Variants in SLC16A6 observed in about 807,000 individuals in gnomAD.
The protein encoded by SLC16A6 is solute carrier family 16 member 6.
SLC16A6 carries 15 observed loss-of-function variants against 33.8 expected under a neutral mutation model. The observed-to-expected ratio is 0.44, with a 90% confidence interval of 0.30 to 0.68. The LOEUF (loss-of-function observed/expected upper bound fraction) is 0.68. SLC16A6 is among the 30% of genes least tolerant of loss of function. The probability of loss-of-function intolerance (pLI) is 0.10; values close to 1 mark genes in which losing one functional copy is unlikely to be tolerated. For synonymous variants in SLC16A6, 219 were observed against 248.4 expected, an observed-to-expected ratio of 0.88 and a Z score of 1.11; for missense variants, 451 against 661.5, an observed-to-expected ratio of 0.68 and a Z score of 3.49.
chr17:68,284,688 CTT>C (rs1300224323), intron 1 of SLC16A6, among the ~76,000 whole-genome samples: 1 of 152,198 alleles, frequency 6.6e-6, no homozygotes, highest in Non-Finnish European at 1.5e-5. Flanking sequence ...TCTGATCTAA[CTT>C]AGTATCATTC....
chr17:68,280,346 A>C (rs1300425070), intron 1 of SLC16A6, among the ~76,000 whole-genome samples: 1 of 152,196 alleles, frequency 6.6e-6, no homozygotes, highest in Non-Finnish European at 1.5e-5. Context: ...CATCCTGAAA[A>C]AAAGAACAAA....
chr17:68,278,339 A>T lies in SLC16A6; in HGVS notation c.-7-12T>A, dbSNP rs2075590841. ...GGGTCATTCTTAATCTGAAAGAAAA[A>T]GTTAAAAGCAATTCAGATCAGCAAT... On this transcript the variant is annotated splice_polypyrimidine_tract_variant and intron_variant, in intron 1 of 5. Transcript: ENST00000580666. 3 of 1,577,498 alleles carry T rather than the reference A, an allele frequency of 1.9e-6. No homozygotes were observed. Among genetic ancestry groups the T allele is most frequent in the African/African-American group, 2.7e-5 (2 of 73,822 alleles).
chr17:68,273,771 A>AT, intron 3 of SLC16A6, 156 bp downstream of exon 3: 1 of 841,788 alleles, frequency 1.2e-6, no homozygotes, highest in Non-Finnish European at 1.8e-6. Flanking sequence ...TGAAGTCCAT[A>AT]TAGCTCAGTT....
Position 68,271,633 on chromosome 17 carries a change from C to T in SLC16A6, c.527G>A (p.Arg176His), listed in dbSNP as rs782479737. ...GAGGAGGCTGTATCTCCAGCCAATGCGCTCCTTCAGAGCCATGATTGCTTG... is the reference window on the plus strand; with the variant it reads ...GAGGAGGCTGTATCTCCAGCCAATGTGCTCCTTCAGAGCCATGATTGCTTG... ...FAPAIMALKE[R>H]IGWRYSLLFV... is the part of the protein sequence containing the mutation. The change falls in exon 5 of 6, where the codon CGC (arginine) becomes CAC (histidine). Residue 176 changes from arginine (R) to histidine (H), a missense_variant. Transcript: ENST00000580666. This position sits in a 1 kb window ranked among gnomAD's most constrained non-coding sequence, Gnocchi z 5.3. 1.7e-5 allele frequency: 27 copies of T among 1,612,900 alleles called. No individual in the cohort carries two copies. The highest frequency in any genetic ancestry group is 6.7e-5 in the Admixed American group (4 of 59,964).
In SLC16A6 at chr17:68,271,158, A is replaced by G. The variant is rs781826132; in HGVS notation, c.1002T>C (p.Ser334=). ...CGAAAACTTCTGCAATGGCCATCGTAGATAATAAAAAAGCAGCGCGGTCCT... is the reference window on the plus strand; with the variant it reads ...CGAAAACTTCTGCAATGGCCATCGTGGATAATAAAAAAGCAGCGCGGTCCT... The part of the protein sequence containing the change: ...IDQDRAAFLL[S]TMAIAEVFGR... Residue 334 remains serine (S), a synonymous_variant, in exon 5 of 6, where the codon TCT becomes TCC. Coordinates refer to ENST00000580666, the MANE Select transcript of SLC16A6 (RefSeq NM_004694.5). This position sits in a 1 kb window ranked among gnomAD's most constrained non-coding sequence, Gnocchi z 5.3. The G allele has an allele frequency of 3.7e-6, 6 of 1,614,050 alleles. No homozygotes were observed. The South Asian group carries it at 5.5e-5, about 15-fold the overall frequency.
In SLC16A6 at chr17:68,268,801, A is replaced by C. The variant is rs1555747321; in HGVS notation, c.*295T>G. ...CTATTTTAATATCGGAATGTGAACC[A>C]AAGAGTCTTTCTACATATCTCTTGT... On this transcript the variant is annotated 3_prime_UTR_variant, in exon 6 of 6. Transcript: ENST00000580666. 2.8e-6 allele frequency: 1 copy of C among 362,154 alleles called. No individual in the cohort carries two copies. Among genetic ancestry groups the C allele is most frequent in the Admixed American group, 4.5e-5 (1 of 22,414 alleles). 22.4% of individuals were successfully genotyped at this position (362,154 alleles called of 1,614,324 possible).
chr17:68,281,556 A>C (rs1332077875), intron 1 of SLC16A6, among the ~76,000 whole-genome samples: 2 of 152,154 alleles, frequency 1.3e-5, no homozygotes, highest in Admixed American at 6.6e-5. Context: ...GCCTGGTGAC[A>C]CAGCGAGACT....
At chr17:68,287,829 T>C (rs2075874820) in intron 1 of SLC16A6, among the ~76,000 whole-genome samples, 1 of 152,182 alleles carries the variant, frequency 6.6e-6, no homozygotes, top group Admixed American at 6.5e-5. Context: ...AGTAAAGTCA[T>C]GCACAGGTCT....
chr17:68,276,622 AT>A (rs1301624702), intron 2 of SLC16A6, among the ~76,000 whole-genome samples: 3 of 151,544 alleles, frequency 2.0e-5, no homozygotes, highest in Non-Finnish European at 2.9e-5. Flanking sequence ...CCAATTTTTT[AT>A]TTTAATTTTT....
intron 2 of SLC16A6, among the ~76,000 whole-genome samples, chr17:68,275,709 C>T (rs1448077558): frequency 3.9e-5 from 6 of 152,028 alleles, no homozygotes; most frequent in East Asian, 3.9e-4. Context: ...TGGCTGGGTG[C>T]GGTGGCTTAC....
chr17:68,269,801 A>G (rs1275465366), intron 5 of SLC16A6, among the ~76,000 whole-genome samples: 7 of 151,052 alleles, frequency 4.6e-5, no homozygotes, highest in African/African-American at 1.5e-4. Context: ...AGCCTCCCGA[A>G]TAGCTGGGAT....
rs1555747476 is a variant in SLC16A6, at chr17:68,269,048, C to G, written c.*48G>C. The G allele has an allele frequency of 1.9e-6, 3 of 1,590,892 alleles. No homozygotes were observed. In the East Asian group the frequency reaches 6.8e-5, roughly 36 times the overall value. On this transcript the variant is annotated 3_prime_UTR_variant, in exon 6 of 6. Transcript: ENST00000580666. ...CTCCTTGTGTCCCCGTTGGGCCCACCCCATCCCTCTCCAGCCAACACAGTG... is the reference window on the plus strand; with the variant it reads ...CTCCTTGTGTCCCCGTTGGGCCCACGCCATCCCTCTCCAGCCAACACAGTG...
chr17:68,288,672 C>A (rs1264520799), intron 1 of SLC16A6, among the ~76,000 whole-genome samples: 1 of 152,196 alleles, frequency 6.6e-6, no homozygotes, highest in Non-Finnish European at 1.5e-5. Flanking sequence ...TCTTCCTGCC[C>A]TAATAGTCTA....
intron 5 of SLC16A6, among the ~76,000 whole-genome samples, 195 bp downstream of exon 5, chr17:68,270,644 C>T (rs2075308816): frequency 6.6e-6 from 1 of 151,978 alleles, no homozygotes; most frequent in Non-Finnish European, 1.5e-5. Context: ...TGACCTTTAG[C>T]TTCAATTCTT....
intron 1 of SLC16A6, among the ~76,000 whole-genome samples, chr17:68,280,829 A>G (rs1358808032): frequency 6.6e-6 from 1 of 152,204 alleles, no homozygotes; most frequent in African/African-American, 2.4e-5. Flanking sequence ...CAAAGGAAAC[A>G]TATCAACAGA....
In SLC16A6 at chr17:68,282,624, C is replaced by T. The variant is rs573203793; in HGVS notation, c.-7-4297G>A. Among the ~76,000 whole-genome samples, 28 of 151,194 alleles carry T rather than the reference C, an allele frequency of 1.9e-4. No homozygotes were observed. The South Asian group carries it at 5.9e-3, about 32-fold the overall frequency. ...GAACAGCCTGGGTAATATAGGGAGA[C>T]GCTGTCTCTACAAAAAAGTATAAGA... is the stretch of plus-strand genomic sequence containing the variant. On this transcript the variant is annotated intron_variant, in intron 1 of 5. Transcript: ENST00000580666.
At chr17:68,289,192 A>G (rs903621700) in intron 1 of SLC16A6, among the ~76,000 whole-genome samples, 1 of 152,126 alleles carries the variant, frequency 6.6e-6, no homozygotes. Context: ...CAAAAAAATT[A>G]AAAAATGAGG....
intron 3 of SLC16A6, among the ~76,000 whole-genome samples, chr17:68,273,639 C>T (rs2075415511): frequency 6.6e-6 from 1 of 152,118 alleles, no homozygotes; most frequent in Non-Finnish European, 1.5e-5. Context: ...TACAGAAATT[C>T]GTCTTACTTT....
rs1555748545 is a variant in SLC16A6 at position 68,271,200 on chromosome 17, A to G, written c.960T>C (p.Ile320=). ...CGCGGTCCTGGTCAATGCCCAGACT[A>G]ATGCCCAGAGGAATGATGTACAAGG... ...APSLYIIPLG[I]SLGIDQDRAA... is the part of the protein sequence containing the mutation. Residue 320 remains isoleucine (I), a synonymous_variant, in exon 5 of 6, where the codon ATT becomes ATC. Coordinates refer to ENST00000580666, the MANE Select transcript of SLC16A6 (RefSeq NM_004694.5). This position sits in a 1 kb window ranked among gnomAD's most constrained non-coding sequence, Gnocchi z 5.3. 2 of 1,614,114 alleles carry G rather than the reference A, an allele frequency of 1.2e-6. No individual in the cohort carries two copies. Among genetic ancestry groups the G allele is most frequent in the South Asian group, 2.2e-5 (2 of 91,090 alleles).
Sources: gnomAD v4.1 joint callset for allele counts (sites outside exome capture counted in the v4.1 genomes callset) on GRCh38, gnomAD v4.1.1 for gene constraint, Gnocchi (gnomAD v3.1) non-coding constraint, MANE v1.5 for transcripts, NCBI Gene and HGNC (gene_info 2026-07-23, HGNC 2026-07-21) for gene names.